The following SPIRE2 variants were observed in gnomAD, a reference collection of about 807,000 sequenced individuals.
The protein encoded by SPIRE2 is protein spire homolog 2.
A neutral mutation model predicts 80.7 loss-of-function variants in SPIRE2; 76 were observed. The observed-to-expected ratio is 0.94, with a 90% CI of 0.78 to 1.14. The LOEUF (loss-of-function observed/expected upper bound fraction) is 1.14, where lower values mean the gene tolerates loss of function less well. Among genes scored for constraint, SPIRE2 ranks in the 50% most tolerant of loss-of-function variants. SPIRE2 has a pLI of 0.00. For missense variants in SPIRE2, 1,196 were observed against 1,015.3 expected, an observed-to-expected ratio of 1.18 and a Z score of -2.42; for synonymous variants, 535 against 432.6, an observed-to-expected ratio of 1.24 and a Z score of -2.94.
intron 1 of SPIRE2, among the ~76,000 whole-genome samples, chr16:89,842,395 T>G (rs940841740): frequency 1.5e-4 from 22 of 151,694 alleles, no homozygotes; most frequent in African/African-American, 4.8e-4. Context: ...GTATTTTTAG[T>G]AGAAACGGGG....
chr16:89,869,970 GC>G (rs2041825047), intron 14 of SPIRE2, 79 bp from the exon 15 acceptor site: 1 of 1,258,912 alleles, frequency 7.9e-7, no homozygotes, highest in East Asian at 2.5e-5. Flanking sequence ...CCAGGAGGGG[GC>G]TGTGGCATGC....
chr16:89,863,220 T>G lies in SPIRE2; in HGVS notation c.1576-256T>G. The G allele has an allele frequency of 1.9e-6, 1 of 527,268 alleles. No individual in the cohort carries two copies. The highest frequency in any genetic ancestry group is 2.1e-5 in the South Asian group (1 of 46,896). 32.7% of individuals were successfully genotyped at this position (527,268 alleles called of 1,614,324 possible). A position where few individuals can be genotyped will look rare whatever the true frequency, so the allele number is the denominator to read the frequency against. ...TGAACAGACATGGGCTGAGGGGAGT[T>G]TGTGTGGAGCGTGGCCAGTGAAGGC... On this transcript the variant is annotated intron_variant, in intron 10 of 14. Transcript: ENST00000378247. The surrounding 1 kb of genome is among the most constrained non-coding windows in gnomAD (Gnocchi z 4.3).
At chr16:89,859,061 C>T (rs2143819597) in intron 8 of SPIRE2, 104 bp from the exon 9 acceptor site, 1 of 1,107,568 alleles carries the variant, frequency 9.0e-7, no homozygotes. Context: ...CCCCACATCG[C>T]AGCAGACCCT....
intron 1 of SPIRE2, among the ~76,000 whole-genome samples, chr16:89,837,215 T>G (rs2143783135): frequency 6.6e-6 from 1 of 152,282 alleles, no homozygotes; most frequent in East Asian, 1.9e-4. Context: ...CAGGTCAGCC[T>G]GAGAATCTGC....
chr16:89,855,055 T>C (rs1055989576), intron 5 of SPIRE2, among the ~76,000 whole-genome samples: 167 of 152,204 alleles, frequency 1.1e-3, no homozygotes, highest in African/African-American at 3.6e-3. Flanking sequence ...TCTCCTGCCT[T>C]AGCCTCCCAA....
intron 1 of SPIRE2, among the ~76,000 whole-genome samples, chr16:89,840,012 G>C (rs947083586): frequency 6.6e-6 from 1 of 152,164 alleles, no homozygotes; most frequent in South Asian, 2.1e-4. Flanking sequence ...GAGGTCACAG[G>C]GGCAAGACAC....
chr16:89,869,963 G>A, intron 14 of SPIRE2, 87 bp from the exon 15 acceptor site: 1 of 1,200,962 alleles, frequency 8.3e-7, no homozygotes, highest in African/African-American at 1.5e-5. Context: ...AAGGCAGCCA[G>A]GAGGGGGCTG....
At chr16:89,864,669 A>G (rs2041773767) in intron 12 of SPIRE2, among the ~76,000 whole-genome samples, 1 of 152,228 alleles carries the variant, frequency 6.6e-6, no homozygotes, top group Admixed American at 6.5e-5. Context: ...TGGAATGCAC[A>G]CAAAGGACTC....
chr16:89,855,823 G>A (rs2041685246), intron 6 of SPIRE2, 137 bp downstream of exon 6: 8 of 971,904 alleles, frequency 8.2e-6, no homozygotes, highest in Non-Finnish European at 1.1e-5. Context: ...CACGGGTGAG[G>A]CGGGCTGGCT....
At chr16:89,833,165 T>G (rs977442423) in intron 1 of SPIRE2, among the ~76,000 whole-genome samples, 8 of 151,202 alleles carry the variant, frequency 5.3e-5, no homozygotes, top group Admixed American at 3.3e-4. Flanking sequence ...CTTTTTGTAT[T>G]TTTAGTAGAG....
rs1219502526 is a variant in SPIRE2 at position 89,829,827 on chromosome 16, C to T, written c.244+1033C>T. Reference sequence around the variant, plus strand: ...TGGAGAAACCTGAGGCGCAGGCTTGCGCTGGCACTCAGACAGTGGCAGCGT... The same window carrying T: ...TGGAGAAACCTGAGGCGCAGGCTTGTGCTGGCACTCAGACAGTGGCAGCGT... On this transcript the variant is annotated intron_variant, in intron 1 of 14. Coordinates refer to ENST00000378247, the MANE Select transcript of SPIRE2 (RefSeq NM_032451.2). 3.3e-5 allele frequency among the ~76,000 whole-genome samples: 5 copies of T among 151,452 alleles called. 1 individual carries two copies. The highest frequency in any genetic ancestry group is 4.8e-5 in the African/African-American group (2 of 41,378).
At chr16:89,869,546 C>T in intron 13 of SPIRE2, 21 bp from the exon 14 acceptor site, 1 of 1,535,852 alleles carries the variant, frequency 6.5e-7, no homozygotes, top group South Asian at 1.1e-5. Context: ...CTGGTTCATA[C>T]CTCCTCCCTC....
At chr16:89,847,507 T>C (rs897327665) in intron 2 of SPIRE2, among the ~76,000 whole-genome samples, 1 of 152,214 alleles carries the variant, frequency 6.6e-6, no homozygotes, top group African/African-American at 2.4e-5. Context: ...TTAAACGTTT[T>C]ACAGAGAGCT....
At chr16:89,835,816 C>T (rs1382461277) in intron 1 of SPIRE2, among the ~76,000 whole-genome samples, 2 of 152,292 alleles carry the variant, frequency 1.3e-5, no homozygotes, top group East Asian at 3.9e-4. Context: ...CCAAAGACCC[C>T]TTCATTCCAG....
Position 89,869,693 on chromosome 16 carries a change from C to T in SPIRE2, c.1922+11C>T, listed in dbSNP as rs780772580. The T allele has an allele frequency of 8.8e-6, 14 of 1,595,242 alleles. No homozygotes were observed. Among genetic ancestry groups the T allele is most frequent in the East Asian group, 4.5e-5 (2 of 44,808 alleles). ...AAGAGACATCTTTCAGTGCGTTCTTCGCCTTGCTGCTGATGTCACTGTGGT... is the reference window on the plus strand; with the variant it reads ...AAGAGACATCTTTCAGTGCGTTCTTTGCCTTGCTGCTGATGTCACTGTGGT... On this transcript the variant is annotated intron_variant, in intron 14 of 14. Coordinates refer to ENST00000378247, the MANE Select transcript of SPIRE2 (RefSeq NM_032451.2).
chr16:89,858,607 C>A, intron 8 of SPIRE2, 100 bp downstream of exon 8: 2 of 1,193,128 alleles, frequency 1.7e-6, no homozygotes, highest in Non-Finnish European at 2.3e-6. Context: ...GCAGCAATTG[C>A]GGTGTCTCCT....
In SPIRE2 at chr16:89,870,244, C is replaced by A. The variant is rs1391755870; in HGVS notation, c.2117C>A (p.Pro706His). ...CGCCAGACCCAATCCCTCTACATCCCTAACACCAGGACTCTTGACTTCAAG... is the reference window on the plus strand; with the variant it reads ...CGCCAGACCCAATCCCTCTACATCCATAACACCAGGACTCTTGACTTCAAG... ...RSRQTQSLYIPNTRTLDFK is the reference protein window; with the variant it reads ...RSRQTQSLYIHNTRTLDFK The change falls in exon 15 of 15, where the codon CCT becomes CAT. Residue 706 changes from proline (P) to histidine (H), a missense_variant. By Grantham distance (77) the Pro-to-His change is moderately conservative. Transcript: ENST00000378247. 1.9e-6 allele frequency: 3 copies of A among 1,602,150 alleles called. No individual in the cohort carries two copies. Among genetic ancestry groups the A allele is most frequent in the East Asian group, 2.2e-5 (1 of 44,516 alleles).
intron 2 of SPIRE2, among the ~76,000 whole-genome samples, chr16:89,847,695 A>G (rs1482719290): frequency 6.6e-6 from 1 of 152,144 alleles, no homozygotes; most frequent in Admixed American, 6.5e-5. Flanking sequence ...AGTACTGCCC[A>G]CCTGCTGCCC....
Position 89,863,205 on chromosome 16 carries a change from T to C in SPIRE2, c.1576-271T>C. ...CAGGCAGGGACACCTTGAACAGACA[T>C]GGGCTGAGGGGAGTTTGTGTGGAGC... On this transcript the variant is annotated intron_variant, in intron 10 of 14. Coordinates refer to ENST00000378247, the MANE Select transcript of SPIRE2 (RefSeq NM_032451.2). The surrounding 1 kb of genome is among the most constrained non-coding windows in gnomAD (Gnocchi z 4.3). 4.0e-6 allele frequency: 2 copies of C among 505,960 alleles called. No homozygotes were observed. The highest frequency in any genetic ancestry group is 3.3e-5 in the Admixed American group (1 of 30,452). 31.3% of individuals were successfully genotyped at this position (505,960 alleles called of 1,614,324 possible). A position where few individuals can be genotyped will look rare whatever the true frequency, so the allele number is the denominator to read the frequency against.
Sources: gnomAD v4.1 joint callset for allele counts (sites outside exome capture counted in the v4.1 genomes callset) on GRCh38, gnomAD v4.1.1 for gene constraint, Gnocchi (gnomAD v3.1) non-coding constraint, MANE v1.5 for transcripts, NCBI Gene and HGNC (gene_info 2026-07-23, HGNC 2026-07-21) for gene names.